DDX28: variants seen among roughly 807,000 people sequenced by gnomAD.
DDX28 encodes probable ATP-dependent RNA helicase DDX28.
DDX28 carries 25 observed loss-of-function variants against 26.8 expected under a neutral mutation model. The observed-to-expected ratio is 0.93, with a 90% CI of 0.68 to 1.30. The LOEUF (loss-of-function observed/expected upper bound fraction) is 1.30. DDX28 is among the 50% of genes most tolerant of loss of function. The pLI, the probability that DDX28 is intolerant of heterozygous loss-of-function variation, is 0.00. For synonymous variants in DDX28, 370 were observed against 311.9 expected (o/e 1.19, Z -1.96); for missense variants, 790 against 695.1 (o/e 1.14, Z -1.53).
rs1338855614 is a variant in DDX28, at chr16:68,021,740, A to G, written c.1463T>C (p.Val488Ala). ...LQDYIHRAGR[V>A]GRVGSEVPGT... The stretch of plus-strand genomic sequence containing the variant: ...TGGCACCTCGCTCCCCACACGGCCC[A>G]CTCTCCCTGCTCTGTGGATGTAATC... The change falls in exon 1 of 1, where the codon GTG (valine) becomes GCG (alanine). Residue 488 changes from valine (V) to alanine (A), a missense_variant. Val to Ala is a moderately conservative substitution (Grantham distance 64, BLOSUM62 0). Coordinates refer to ENST00000332395, the MANE Select transcript of DDX28 (RefSeq NM_018380.4). The G allele has an allele frequency of 3.1e-6, 5 of 1,613,634 alleles. No individual in the cohort carries two copies. In the African/African-American group the frequency reaches 6.7e-5, roughly 22 times the overall value.
rs1054081495 is a variant in DDX28, at chr16:68,021,122, A to ATTTCC, written c.*453_*457dup. Among the ~76,000 whole-genome samples the ATTTCC allele has an allele frequency of 7.9e-5, 12 of 151,542 alleles. No individual in the cohort carries two copies. The highest frequency in any genetic ancestry group is 7.4e-5 in the Non-Finnish European group (5 of 67,932). On this transcript the variant is annotated 3_prime_UTR_variant, in exon 1 of 1. Transcript: ENST00000332395. ...AGTAACTCTGTCTACTGCTAGTCACATTTCCTTTCCTTTCCTTTCCCTGGG... is the reference window on the plus strand; with the variant it reads ...AGTAACTCTGTCTACTGCTAGTCACATTTCCTTTCCTTTCCTTTCCTTTCCCTGGG...
chr16:68,021,781 GA>G lies in DDX28; in HGVS notation c.1421del (p.Phe474SerfsTer30). The stretch of plus-strand genomic sequence containing the variant: ...GGATGTAATCTTGCAGCGTTGGGGG[GA>G]AATCATAATTGACAACCAGCTCCAC... ...TGVELVVNYD[F>X]PPTLQDYIHR... On this transcript the variant is annotated frameshift_variant, in exon 1 of 1. Transcript: ENST00000332395. LOFTEE classifies it high-confidence loss of function. The G allele has an allele frequency of 6.2e-7, 1 of 1,614,148 alleles. No individual in the cohort carries two copies. The highest frequency in any genetic ancestry group is 8.5e-7 in the Non-Finnish European group (1 of 1,180,020).
At position 68,023,079 on chromosome 16, in the gene DDX28, G is replaced by C. The variant is rs921173279; in HGVS notation, c.124C>G (p.Leu42Val). ...PLPVVRIPVA[L>V]QRQLEQRQSR... is the part of the protein sequence containing the mutation. ...TGCCGCTGTTCCAACTGCCGCTGTAGAGCCACTGGGATGCGCACCACCGGC... is the reference window on the plus strand; with the variant it reads ...TGCCGCTGTTCCAACTGCCGCTGTACAGCCACTGGGATGCGCACCACCGGC... The change falls in exon 1 of 1, where the codon CTA becomes GTA. Residue 42 changes from leucine (L) to valine (V), a missense_variant. By Grantham distance (32) the Leu-to-Val change is conservative (BLOSUM62 1). Coordinates refer to ENST00000332395, the MANE Select transcript of DDX28 (RefSeq NM_018380.4). 7 of 1,601,318 alleles carry C rather than the reference G, an allele frequency of 4.4e-6. No individual in the cohort carries two copies. The Admixed American group carries it at 6.7e-5, about 15-fold the overall frequency.
chr16:68,021,827 C>T lies in DDX28; in HGVS notation c.1376G>A (p.Arg459Gln), dbSNP rs1161785060. Reference sequence around the variant, plus strand: ...CTCCACACCAGTGCTGTCCAGGCCCCGAGAGGCTATGTCTGTGCAGAGAAG... The same window carrying T: ...CTCCACACCAGTGCTGTCCAGGCCCTGAGAGGCTATGTCTGTGCAGAGAAG... ...DILLCTDIASRGLDSTGVELV... is the reference protein window; with the variant it reads ...DILLCTDIASQGLDSTGVELV... The change falls in exon 1 of 1, where the codon CGG becomes CAG. Residue 459 changes from arginine to glutamine, a missense_variant. Physicochemically the swap from Arg to Gln is conservative, Grantham distance 43 (BLOSUM62 1). Coordinates refer to ENST00000332395, the MANE Select transcript of DDX28 (RefSeq NM_018380.4). 1.9e-6 allele frequency: 3 copies of T among 1,614,142 alleles called. No individual in the cohort carries two copies. Among genetic ancestry groups the T allele is most frequent in the Non-Finnish European group, 2.5e-6 (3 of 1,180,024 alleles).
At position 68,022,553 on chromosome 16, in the gene DDX28, T is replaced by A. The variant is rs543744906; in HGVS notation, c.650A>T (p.Gln217Leu). 9.3e-6 allele frequency: 15 copies of A among 1,613,924 alleles called. No homozygotes were observed. The East Asian group carries it at 2.0e-4, about 22-fold the overall frequency. The change falls in exon 1 of 1, where the codon CAA becomes CTA. Residue 217 changes from glutamine to leucine, a missense_variant. By Grantham distance (113) the Gln-to-Leu change is moderately radical (BLOSUM62 -2). Coordinates refer to ENST00000332395, the MANE Select transcript of DDX28 (RefSeq NM_018380.4). Reference protein sequence around the residue: ...LVLVPSRELAQQVRAVAQPLG... With the variant: ...LVLVPSRELALQVRAVAQPLG... ...GGGTTGGGCCACAGCCCGCACCTGTTGGGCCAATTCTCGGGAAGGAACAAG... is the reference window on the plus strand; with the variant it reads ...GGGTTGGGCCACAGCCCGCACCTGTAGGGCCAATTCTCGGGAAGGAACAAG...
chr16:68,023,106 G>A lies in DDX28; in HGVS notation c.97C>T (p.Leu33=). 6.2e-7 allele frequency: 1 copy of A among 1,603,400 alleles called. No individual in the cohort carries two copies. Among genetic ancestry groups the A allele is most frequent in the Non-Finnish European group, 8.5e-7 (1 of 1,179,796 alleles). ...GLTVRSPDEP[L]PVVRIPVALQ... ...GCCACTGGGATGCGCACCACCGGCA[G>A]GGGTTCGTCGGGACTGCGGACCGTG... is the stretch of plus-strand genomic sequence containing the variant. The change falls in exon 1 of 1, where the codon CTG becomes TTG. Residue 33 remains leucine, a synonymous_variant. Coordinates refer to ENST00000332395, the MANE Select transcript of DDX28 (RefSeq NM_018380.4).
chr16:68,022,852 T>G lies in DDX28; in HGVS notation c.351A>C (p.Pro117=). The part of the protein sequence containing the change: ...FSIERAQQEA[P]AVRKLSSKGS... ...CCTTAGACGAGAGCTTTCGCACCGC[T>G]GGCGCCTCCTGTTGCGCGCGCTCGA... The change falls in exon 1 of 1, where the codon CCA becomes CCC. Residue 117 remains proline, a synonymous_variant. Transcript: ENST00000332395. The G allele has an allele frequency of 1.1e-5, 18 of 1,571,166 alleles. No individual in the cohort carries two copies. Among genetic ancestry groups the G allele is most frequent in the Non-Finnish European group, 1.6e-5 (18 of 1,158,616 alleles).
Position 68,022,021 on chromosome 16 carries a change from A to G in DDX28, c.1182T>C (p.Thr394=). ...ILKHRDRAER[T]GPSGTVLVFC... ...ACACCAGAACAGTTCCTGAGGGACCAGTCCTTTCTGCTCTGTCACGATGCT... is the reference window on the plus strand; with the variant it reads ...ACACCAGAACAGTTCCTGAGGGACCGGTCCTTTCTGCTCTGTCACGATGCT... Residue 394 remains threonine (T), a synonymous_variant, in exon 1 of 1, where the codon ACT becomes ACC. Transcript: ENST00000332395. The G allele has an allele frequency of 1.2e-6, 2 of 1,614,208 alleles. No individual in the cohort carries two copies. The highest frequency in any genetic ancestry group is 1.7e-6 in the Non-Finnish European group (2 of 1,180,038).
rs140231311 is a variant in DDX28 at position 68,021,620 on chromosome 16, A to G, written c.1583T>C (p.Leu528Pro). The G allele has an allele frequency of 6.2e-7, 1 of 1,614,184 alleles. No individual in the cohort carries two copies. Among genetic ancestry groups the G allele is most frequent in the Non-Finnish European group, 8.5e-7 (1 of 1,179,986 alleles). ...AARRRRSLPGLASSVKEPLPQ... is the reference protein window; with the variant it reads ...AARRRRSLPGPASSVKEPLPQ... ...CAAAGGCTCTTTCACCGAGGATGCT[A>G]GTCCTGGAAGACTTCTCCTTCGGCG... Residue 528 changes from leucine to proline, a missense_variant, in exon 1 of 1, where the codon CTA becomes CCA. Leu to Pro is a moderately conservative substitution (Grantham distance 98, BLOSUM62 -3). Transcript: ENST00000332395.
In DDX28 at chr16:68,021,906, C is replaced by T. The variant is rs201309798; in HGVS notation, c.1297G>A (p.Ala433Thr). 3.2e-5 allele frequency: 52 copies of T among 1,614,074 alleles called. No individual in the cohort carries two copies. Among genetic ancestry groups the T allele is most frequent in the Non-Finnish European group, 4.0e-5 (47 of 1,180,036 alleles). Residue 433 changes from alanine to threonine, a missense_variant, in exon 1 of 1, where the codon GCC (alanine) becomes ACC (threonine). By Grantham distance (58) the Ala-to-Thr change is moderately conservative. Coordinates refer to ENST00000332395, the MANE Select transcript of DDX28 (RefSeq NM_018380.4). ...QHLRLQGQMP[A>T]LMRVGIFQSF... The stretch of plus-strand genomic sequence containing the variant: ...TGGAAGATTCCTACCCTCATCAAGG[C>T]TGGCATTTGCCCCTGCAACCTTAGG...
Position 68,021,724 on chromosome 16 carries a change from G to T in DDX28, c.1479C>A (p.Ser493Arg). The T allele has an allele frequency of 6.2e-7, 1 of 1,614,154 alleles. No homozygotes were observed. The highest frequency in any genetic ancestry group is 8.5e-7 in the Non-Finnish European group (1 of 1,180,018). The change falls in exon 1 of 1, where the codon AGC becomes AGA. Residue 493 changes from serine to arginine, a missense_variant. Coordinates refer to ENST00000332395, the MANE Select transcript of DDX28 (RefSeq NM_018380.4). ...HRAGRVGRVGSEVPGTVISFV... is the reference protein window; with the variant it reads ...HRAGRVGRVGREVPGTVISFV... ...AACTGATGACGGTGCCTGGCACCTC[G>T]CTCCCCACACGGCCCACTCTCCCTG...
Position 68,021,481 on chromosome 16 carries a change from G to A in DDX28, c.*99C>T, listed in dbSNP as rs998137107. The A allele has an allele frequency of 1.5e-6, 2 of 1,355,468 alleles. No homozygotes were observed. Among genetic ancestry groups the A allele is most frequent in the African/African-American group, 1.5e-5 (1 of 68,842 alleles). 84.0% of individuals were successfully genotyped at this position (1,355,468 alleles called of 1,614,324 possible). Reference sequence around the variant, plus strand: ...TCATCCCGCCCTCAAGGAGCCGACAGGGCAGCCCAGAGCCTCCCACTGACA... The same window carrying A: ...TCATCCCGCCCTCAAGGAGCCGACAAGGCAGCCCAGAGCCTCCCACTGACA... On this transcript the variant is annotated 3_prime_UTR_variant, in exon 1 of 1. Coordinates refer to ENST00000332395, the MANE Select transcript of DDX28 (RefSeq NM_018380.4).
At position 68,022,086 on chromosome 16, in the gene DDX28, T is replaced by C; in HGVS notation, c.1117A>G (p.Lys373Glu). 1 of 1,614,188 alleles carries C rather than the reference T, an allele frequency of 6.2e-7. No individual in the cohort carries two copies. The part of the protein sequence containing the change: ...PHVKQTFLRL[K>E]GADKVAELVH... ...AGCTCGGCCACCTTATCTGCTCCCTTCAGTCTCAGAAATGTCTGTTTCACA... is the reference window on the plus strand; with the variant it reads ...AGCTCGGCCACCTTATCTGCTCCCTCCAGTCTCAGAAATGTCTGTTTCACA... Residue 373 changes from lysine to glutamate, a missense_variant, in exon 1 of 1, where the codon AAG becomes GAG. Coordinates refer to ENST00000332395, the MANE Select transcript of DDX28 (RefSeq NM_018380.4).
rs754051880 is a variant in DDX28, at chr16:68,022,888, G to A, written c.315C>T (p.Asp105=). ...QGWKSRRARR[D]HFSIERAQQE... The stretch of plus-strand genomic sequence containing the variant: ...GTTGCGCGCGCTCGATGGAGAAGTG[G>A]TCCCGACGCGCGCGTCGACTCTTCC... The change falls in exon 1 of 1, where the codon GAC becomes GAT. Residue 105 remains aspartate, a synonymous_variant. Coordinates refer to ENST00000332395, the MANE Select transcript of DDX28 (RefSeq NM_018380.4). The A allele has an allele frequency of 1.3e-6, 2 of 1,568,416 alleles. No individual in the cohort carries two copies. Among genetic ancestry groups the A allele is most frequent in the Non-Finnish European group, 1.7e-6 (2 of 1,158,116 alleles).
rs1490121282 is a variant in DDX28, at chr16:68,022,460, A to T, written c.743T>A (p.Leu248Gln). ...TGCTGAAGGCTGTCTGGACAGCTGC[A>T]GCCTGATCCTACGCATGCCGTGGCC... ...EGGHGMRRIR[L>Q]QLSRQPSADV... The change falls in exon 1 of 1, where the codon CTG becomes CAG. Residue 248 changes from leucine (L) to glutamine (Q), a missense_variant. Coordinates refer to ENST00000332395, the MANE Select transcript of DDX28 (RefSeq NM_018380.4). The T allele has an allele frequency of 6.2e-7, 1 of 1,613,974 alleles. No homozygotes were observed. The highest frequency in any genetic ancestry group is 2.2e-5 in the East Asian group (1 of 44,884).
Position 68,022,111 on chromosome 16 carries a change from A to C in DDX28, c.1092T>G (p.His364Gln), listed in dbSNP as rs1473376814. 6.2e-7 allele frequency: 1 copy of C among 1,614,162 alleles called. No individual in the cohort carries two copies. Among genetic ancestry groups the C allele is most frequent in the Non-Finnish European group, 8.5e-7 (1 of 1,180,032 alleles). ...TCAGTCTCAGAAATGTCTGTTTCAC[A>C]TGAGGCATGATACAGTGGAGCTTGG... is the stretch of plus-strand genomic sequence containing the variant. ...TSSKLHCIMP[H>Q]VKQTFLRLKG... Residue 364 changes from histidine (H) to glutamine (Q), a missense_variant, in exon 1 of 1, where the codon CAT becomes CAG. Transcript: ENST00000332395.
rs2033285450 is a variant in DDX28 at position 68,023,203 on chromosome 16, G to C, written c.-1C>G. On this transcript the variant is annotated 5_prime_UTR_variant, in exon 1 of 1. Coordinates refer to ENST00000332395, the MANE Select transcript of DDX28 (RefSeq NM_018380.4). ...GCCGCACCGGCCGCGTTAGAGCCAT[G>C]TTTCCCTTAGTGCGGGAGAAGCGCA... 4.4e-6 allele frequency: 7 copies of C among 1,606,762 alleles called. No homozygotes were observed. The highest frequency in any genetic ancestry group is 5.9e-6 in the Non-Finnish European group (7 of 1,176,746).
rs778740776 is a variant in DDX28, at chr16:68,023,176, G to C, written c.27C>G (p.Leu9=). The change falls in exon 1 of 1, where the codon CTC becomes CTG. Residue 9 remains leucine (L), a synonymous_variant. Coordinates refer to ENST00000332395, the MANE Select transcript of DDX28 (RefSeq NM_018380.4). ...GGAGCAACCGAGTCACGAGGGAAAA[G>C]AGCCGCACCGGCCGCGTTAGAGCCA... MALTRPVR[L]FSLVTRLLLA... 6.2e-7 allele frequency: 1 copy of C among 1,609,592 alleles called. No individual in the cohort carries two copies. Among genetic ancestry groups the C allele is most frequent in the South Asian group, 1.1e-5 (1 of 90,990 alleles).
chr16:68,021,182 C>A lies in DDX28; in HGVS notation c.*398G>T. The A allele has an allele frequency of 5.2e-6, 1 of 190,876 alleles. No individual in the cohort carries two copies. Among genetic ancestry groups the A allele is most frequent in the Admixed American group, 5.5e-5 (1 of 18,066 alleles). 11.8% of individuals were successfully genotyped at this position (190,876 alleles called of 1,614,324 possible). A position where few individuals can be genotyped will look rare whatever the true frequency, so the allele number is the denominator to read the frequency against. ...GATACCTTTTTGGGGGCAGGAAATA[C>A]AAACTAAATGTTTATAAATGAAAAC... On this transcript the variant is annotated 3_prime_UTR_variant, in exon 1 of 1. Coordinates refer to ENST00000332395, the MANE Select transcript of DDX28 (RefSeq NM_018380.4).
Sources: allele counts gnomAD v4.1 joint callset (sites outside exome capture counted in the v4.1 genomes callset), GRCh38; gene constraint gnomAD v4.1.1; transcripts MANE v1.5; gene names NCBI Gene and HGNC (gene_info 2026-07-23, HGNC 2026-07-21).